The following MYLK variants were observed in gnomAD, a reference collection of about 807,000 sequenced individuals.
MYLK encodes the protein myosin light chain kinase, smooth muscle.
A neutral mutation model predicts 203.4 loss-of-function variants in MYLK; 106 were observed. The ratio of observed to expected loss-of-function variants is 0.52; its 90% confidence interval spans 0.45 to 0.61. The LOEUF (loss-of-function observed/expected upper bound fraction) is 0.61. Ranked by LOEUF, MYLK falls within the 20% of genes least tolerant of loss-of-function variation. The pLI, the probability that MYLK is intolerant of heterozygous loss-of-function variation, is 0.00. For synonymous variants in MYLK, 867 were observed against 959.5 expected, an observed-to-expected ratio of 0.90 and a Z score of 1.78; for missense variants, 2,072 against 2,442.3, an observed-to-expected ratio of 0.85 and a Z score of 3.20.
At chr3:123,776,986 A>C (rs1029576999) in intron 4 of MYLK, among the ~76,000 whole-genome samples, 3 of 152,266 alleles carry the variant, frequency 2.0e-5, no homozygotes, top group African/African-American at 7.2e-5. Context: ...TAAACAAAAC[A>C]ATAATAAAGA....
chr3:123,679,733 T>G (rs2060197224), intron 20 of MYLK, among the ~76,000 whole-genome samples: 1 of 152,192 alleles, frequency 6.6e-6, no homozygotes, highest in Non-Finnish European at 1.5e-5. Flanking sequence ...ATGAAGCACT[T>G]GCTACTAGCC....
At chr3:123,729,857 G>A (rs1356712940) in intron 11 of MYLK, among the ~76,000 whole-genome samples, 1 of 151,146 alleles carries the variant, frequency 6.6e-6, no homozygotes. Context: ...ACTCCAGCCT[G>A]GGCAACAGAG....
rs2062535600 is a variant in MYLK at position 123,732,941 on chromosome 3, T to C, written c.1471A>G (p.Asn491Asp). The change falls in exon 11 of 34, where the codon AAC becomes GAC. Residue 491 changes from asparagine (N) to aspartate (D), a missense_variant. This residue lies in a region of MYLK where 683 missense variants were observed against 643.8 expected (regional missense o/e 1.06). Coordinates refer to ENST00000360304, the MANE Select transcript of MYLK (RefSeq NM_053025.4). Reference sequence around the variant, plus strand: ...CTACAGGACAGCTGGCCTTGGGCGTTGGAAGCAGTGCAGCTGTATGTCCCA... The same window carrying C: ...CTACAGGACAGCTGGCCTTGGGCGTCGGAAGCAGTGCAGCTGTATGTCCCA... ...DSGTYSCTAS[N>D]AQGQLSCSWT... is the part of the protein sequence containing the mutation. 6.2e-7 allele frequency: 1 copy of C among 1,614,050 alleles called. No homozygotes were observed. The highest frequency in any genetic ancestry group is 1.7e-5 in the Admixed American group (1 of 59,990).
chr3:123,657,553 C>T (rs539540232), intron 23 of MYLK, 125 bp from the exon 24 acceptor site: 145 of 894,548 alleles, frequency 1.6e-4, no homozygotes, highest in Non-Finnish European at 1.7e-4. Context: ...CCTGGTCCTG[C>T]GTCTCTTTCC....
chr3:123,727,474 T>C (rs2062330734), intron 11 of MYLK, among the ~76,000 whole-genome samples: 1 of 152,212 alleles, frequency 6.6e-6, no homozygotes, highest in African/African-American at 2.4e-5. Context: ...TTACTAAAGA[T>C]CAGTATTCTT....
chr3:123,680,057 G>A (rs2060208714), intron 20 of MYLK, among the ~76,000 whole-genome samples: 1 of 152,212 alleles, frequency 6.6e-6, no homozygotes, highest in African/African-American at 2.4e-5. Context: ...TGGTCTGGGG[G>A]CAGGGGAAGC....
chr3:123,863,898 C>T (rs565558436), intron 2 of MYLK, among the ~76,000 whole-genome samples: 3 of 152,206 alleles, frequency 2.0e-5, no homozygotes, highest in South Asian at 2.1e-4. Context: ...AAGACCTATA[C>T]AAAAATATTC....
intron 20 of MYLK, among the ~76,000 whole-genome samples, chr3:123,677,654 AAGAT>A (rs2060112621): frequency 6.6e-6 from 1 of 152,030 alleles, no homozygotes; most frequent in Admixed American, 6.5e-5. Flanking sequence ...ACAGGAGAAA[AAGAT>A]AGCCACAAAG....
intron 3 of MYLK, among the ~76,000 whole-genome samples, chr3:123,810,004 G>A (rs537944990): frequency 1.4e-4 from 22 of 152,222 alleles, no homozygotes; most frequent in Admixed American, 2.6e-4. Flanking sequence ...TGACTATTTC[G>A]AACAGTTTAC....
intron 3 of MYLK, among the ~76,000 whole-genome samples, chr3:123,810,401 G>A (rs2065516789): frequency 6.6e-6 from 1 of 152,208 alleles, no homozygotes; most frequent in Non-Finnish European, 1.5e-5. Context: ...TGAGCAGGGT[G>A]GCCCTGGGTC....
At chr3:123,791,862 G>A (rs911288498) in intron 4 of MYLK, among the ~76,000 whole-genome samples, 3 of 152,102 alleles carry the variant, frequency 2.0e-5, no homozygotes, top group Non-Finnish European at 4.4e-5. Context: ...AACTCCTTAA[G>A]AAAAATACTG....
Position 123,701,017 on chromosome 3 carries a change from G to T in MYLK, c.2463-12C>A, listed in dbSNP as rs368116696. 14 of 1,594,752 alleles carry T rather than the reference G, an allele frequency of 8.8e-6. No individual in the cohort carries two copies. Among genetic ancestry groups the T allele is most frequent in the Non-Finnish European group, 1.0e-5 (12 of 1,176,314 alleles). ...CAGGCTCCCTCCCCCTGCAACCAGT[G>T]TAGGGAAAAAGGAAAGTAGCAGGAG... On this transcript the variant is annotated splice_polypyrimidine_tract_variant and intron_variant, in intron 17 of 33. Transcript: ENST00000360304.
At chr3:123,729,221 C>T (rs139175938) in intron 11 of MYLK, among the ~76,000 whole-genome samples, 3 of 152,088 alleles carry the variant, frequency 2.0e-5, no homozygotes, top group Non-Finnish European at 2.9e-5. Flanking sequence ...TGAAGATGGG[C>T]GTAACACACA....
At chr3:123,710,767 T>A (rs116471879) in intron 13 of MYLK, among the ~76,000 whole-genome samples, 235 of 152,352 alleles carry the variant, frequency 1.5e-3, no homozygotes, top group African/African-American at 5.4e-3. Context: ...CAAAGTCTTG[T>A]ACACAAACAT....
chr3:123,662,085 G>GA (rs2059582327), intron 23 of MYLK, among the ~76,000 whole-genome samples: 1 of 152,186 alleles, frequency 6.6e-6, no homozygotes, highest in South Asian at 2.1e-4. Flanking sequence ...CTCAGCATGA[G>GA]AAAAATGGAG....
chr3:123,734,246 T>TGGGGGGG, intron 9 of MYLK, 24 bp from the exon 10 acceptor site: 8 of 1,415,782 alleles, frequency 5.7e-6, no homozygotes, highest in Admixed American at 2.3e-5. Context: ...AGGGTGGGGG[T>TGGGGGGG]AGGGTGGGTG....
intron 11 of MYLK, among the ~76,000 whole-genome samples, chr3:123,729,460 A>G (rs187428903): frequency 2.0e-4 from 31 of 152,390 alleles, no homozygotes; most frequent in Admixed American, 1.7e-3. Flanking sequence ...ACAATAAAAA[A>G]GTAAATGATG....
chr3:123,678,610 G>A (rs2060153588), intron 20 of MYLK, among the ~76,000 whole-genome samples: 1 of 151,846 alleles, frequency 6.6e-6, no homozygotes, highest in Admixed American at 6.6e-5. Context: ...TTCCCTCTTA[G>A]ACTAGGTACT....
chr3:123,793,574 G>T, intron 4 of MYLK, 103 bp downstream of exon 4: 1 of 1,327,834 alleles, frequency 7.5e-7, no homozygotes, highest in Non-Finnish European at 1.0e-6. Flanking sequence ...AAAGAAAATT[G>T]AGCCTTCTAT....
Sources: allele counts gnomAD v4.1 joint callset (sites outside exome capture counted in the v4.1 genomes callset), GRCh38; gene constraint gnomAD v4.1.1; regional missense constraint gnomAD v4.1.1; transcripts MANE v1.5; gene names NCBI Gene and HGNC (gene_info 2026-07-23, HGNC 2026-07-21).